The following CLRN1 variants were observed in gnomAD, a reference collection of about 807,000 sequenced individuals.
The protein encoded by CLRN1 is clarin-1.
Under a neutral mutation model 18.7 loss-of-function variants are expected in CLRN1, and 15 were observed. The ratio of observed to expected loss-of-function variants is 0.80; its 90% CI spans 0.54 to 1.23. The LOEUF (loss-of-function observed/expected upper bound fraction) is 1.23. Among genes scored for constraint, CLRN1 ranks in the 50% most tolerant of loss-of-function variants. CLRN1 has a pLI of 0.00. For missense variants in CLRN1, 311 were observed against 277.5 expected, an observed-to-expected ratio of 1.12 and a Z score of -0.86; for synonymous variants, 104 against 102.9, an observed-to-expected ratio of 1.01 and a Z score of -0.07.
At chr3:150,926,497 T>G, downstream of CLRN1, 2 of 413,168 alleles carry the variant, frequency 4.8e-6, no homozygotes, top group Non-Finnish European at 9.1e-6. Context: ...AAAATCCCCT[T>G]TGTGGCTAGA....
At position 150,961,047 on chromosome 3, in the gene CLRN1, C is replaced by A. The variant is rs561137701; in HGVS notation, c.253+11409G>T. ...AATTCATCAATCAGATTGCTCATTG[C>A]CCTGAGGCCAGGTGGCTGTGGACAA... On this transcript the variant is annotated intron_variant, in intron 1 of 2. Transcript: ENST00000327047. 1.1e-4 allele frequency among the ~76,000 whole-genome samples: 16 copies of A among 152,336 alleles called. No homozygotes were observed. In the South Asian group the frequency reaches 3.3e-3, roughly 32 times the overall value.
At chr3:150,937,893 C>T (rs756949919) in intron 2 of CLRN1, among the ~76,000 whole-genome samples, 5 of 152,030 alleles carry the variant, frequency 3.3e-5, no homozygotes, top group Non-Finnish European at 7.4e-5. Flanking sequence ...TGCACCACAT[C>T]GGGAGACATA....
intron 1 of CLRN1, among the ~76,000 whole-genome samples, chr3:150,962,159 A>G (rs1322428248): frequency 3.9e-5 from 6 of 152,204 alleles, no homozygotes; most frequent in Non-Finnish European, 8.8e-5. Flanking sequence ...CCACAGGGGT[A>G]TGATTATGTT....
At chr3:150,952,732 T>A (rs185764156) in intron 1 of CLRN1, among the ~76,000 whole-genome samples, 1 of 152,296 alleles carries the variant, frequency 6.6e-6, no homozygotes, top group African/African-American at 2.4e-5. Context: ...GTTTAGCCTG[T>A]CCTAAAATTG....
At chr3:150,945,733 C>T in intron 1 of CLRN1, 1 of 952,128 alleles carries the variant, frequency 1.1e-6, no homozygotes, top group African/African-American at 1.7e-5. Flanking sequence ...ATTTTCAATA[C>T]ATCATGTTTA....
rs570917649 is a variant in CLRN1, at chr3:150,971,298, T to C, written c.253+1158A>G. On this transcript the variant is annotated intron_variant, in intron 1 of 2. Transcript: ENST00000327047. Reference sequence around the variant, plus strand: ...AAAGAACTGGTATCCACTTCATCAATTAAAAAGCTAACAACCAATTCTTGG... The same window carrying C: ...AAAGAACTGGTATCCACTTCATCAACTAAAAAGCTAACAACCAATTCTTGG... 3.9e-5 allele frequency among the ~76,000 whole-genome samples: 6 copies of C among 152,294 alleles called. No individual in the cohort carries two copies. The South Asian group carries it at 1.2e-3, about 32-fold the overall frequency.
At chr3:150,967,351 T>C (rs1576647762) in intron 1 of CLRN1, among the ~76,000 whole-genome samples, 1 of 152,220 alleles carries the variant, frequency 6.6e-6, no homozygotes, top group Non-Finnish European at 1.5e-5. Flanking sequence ...TCTTTCACAA[T>C]AGTGCTTCTC....
chr3:150,941,512 A>G, intron 2 of CLRN1, 70 bp downstream of exon 2: 1 of 1,453,720 alleles, frequency 6.9e-7, no homozygotes, highest in Non-Finnish European at 9.6e-7. Flanking sequence ...ATAACTTTAT[A>G]TTTAGGTAGA....
chr3:150,930,156 C>T (rs527482727), intron 2 of CLRN1, among the ~76,000 whole-genome samples: 2 of 152,240 alleles, frequency 1.3e-5, no homozygotes, highest in South Asian at 4.2e-4. Flanking sequence ...AGTAGAGGGG[C>T]TGTTACTGAG....
At chr3:150,961,322 G>C (rs1055672774) in intron 1 of CLRN1, among the ~76,000 whole-genome samples, 2 of 152,174 alleles carry the variant, frequency 1.3e-5, no homozygotes, top group African/African-American at 4.8e-5. Context: ...GCATTCCAAT[G>C]CTCAGGTCCC....
rs367577687 is a variant in CLRN1 at position 150,951,040 on chromosome 3, G to T, written c.254-9279C>A. Among the ~76,000 whole-genome samples the T allele has an allele frequency of 2.6e-5, 4 of 152,018 alleles. No individual in the cohort carries two copies. In the East Asian group the frequency reaches 7.7e-4, roughly 29 times the overall value. ...TATCATCCTTAGCAAACTAACACAG[G>T]GACAGAAAACCAAATACTGCATGTT... On this transcript the variant is annotated intron_variant, in intron 1 of 2. Transcript: ENST00000327047.
At chr3:150,929,427 A>G (rs1174160826) in intron 2 of CLRN1, among the ~76,000 whole-genome samples, 1 of 152,208 alleles carries the variant, frequency 6.6e-6, no homozygotes, top group East Asian at 1.9e-4. Context: ...AGGCCACCAC[A>G]ATAGGGTTCC....
chr3:150,970,841 T>C (rs1715500767), intron 1 of CLRN1, among the ~76,000 whole-genome samples: 1 of 152,138 alleles, frequency 6.6e-6, no homozygotes, highest in African/African-American at 2.4e-5. Flanking sequence ...AGGACAAGCA[T>C]AGGACACAAC....
intron 1 of CLRN1, among the ~76,000 whole-genome samples, chr3:150,952,037 T>C (rs1026047514): frequency 3.3e-5 from 5 of 152,160 alleles, no homozygotes; most frequent in Non-Finnish European, 1.5e-5. Flanking sequence ...GTAGTGTCAA[T>C]GTGGATGTTA....
At chr3:150,944,860 T>C (rs571099997) in intron 1 of CLRN1, among the ~76,000 whole-genome samples, 1 of 152,178 alleles carries the variant, frequency 6.6e-6, no homozygotes, top group Admixed American at 6.5e-5. Flanking sequence ...AGAGACAGGC[T>C]TGGGCCCCAG....
At chr3:150,946,159 G>T (rs1455024657) in intron 1 of CLRN1, among the ~76,000 whole-genome samples, 6 of 152,090 alleles carry the variant, frequency 3.9e-5, no homozygotes, top group Non-Finnish European at 7.4e-5. Flanking sequence ...AGACATATGT[G>T]CACCACTCTG....
intron 1 of CLRN1, among the ~76,000 whole-genome samples, chr3:150,965,570 G>A (rs1387013343): frequency 6.6e-6 from 1 of 152,172 alleles, no homozygotes; most frequent in Non-Finnish European, 1.5e-5. Flanking sequence ...TGGGGAAGAT[G>A]AGTCACCTTC....
At chr3:150,930,259 G>C (rs1273142635) in intron 2 of CLRN1, among the ~76,000 whole-genome samples, 2 of 152,124 alleles carry the variant, frequency 1.3e-5, no homozygotes, top group Non-Finnish European at 2.9e-5. Context: ...ACTGTGGGGG[G>C]AGAGTACTGC....
intron 1 of CLRN1, among the ~76,000 whole-genome samples, chr3:150,951,617 T>C (rs1714487756): frequency 6.6e-6 from 1 of 152,098 alleles, no homozygotes; most frequent in Non-Finnish European, 1.5e-5. Flanking sequence ...AGATTACAGG[T>C]GTCAGTCACC....
Sources: allele counts gnomAD v4.1 joint callset (sites outside exome capture counted in the v4.1 genomes callset), GRCh38; gene constraint gnomAD v4.1.1; transcripts MANE v1.5; gene names NCBI Gene and HGNC (gene_info 2026-07-23, HGNC 2026-07-21).